FAM136A: variants seen among roughly 807,000 people sequenced by gnomAD.
FAM136A encodes the protein TIM double twin CX3C motif protein.
In FAM136A, 25 loss-of-function variants were observed where a neutral mutation model predicts 21.6. The observed-to-expected ratio is 1.16, with a 90% CI of 0.84 to 1.62. The LOEUF (loss-of-function observed/expected upper bound fraction) is 1.62. Ranked by LOEUF, FAM136A falls within the 40% of genes most tolerant of loss-of-function variation. The pLI is 0.00. For missense variants in FAM136A, 338 were observed against 332.0 expected (o/e 1.02, Z -0.14); for synonymous variants, 119 against 129.4 (o/e 0.92, Z 0.55).
chr2:70,300,249 A>G (rs1187475928), intron 2 of FAM136A, among the ~76,000 whole-genome samples: 1 of 152,188 alleles, frequency 6.6e-6, no homozygotes, highest in African/African-American at 2.4e-5. Flanking sequence ...GGTTATGTCA[A>G]AAGGAACAAA....
Position 70,301,640 on chromosome 2 carries a change from G to T in FAM136A, c.372C>A (p.Ala124=), listed in dbSNP as rs1010083894. The T allele has an allele frequency of 2.0e-6, 3 of 1,535,562 alleles. No homozygotes were observed. Among genetic ancestry groups the T allele is most frequent in the African/African-American group, 1.4e-5 (1 of 73,050 alleles). Reference sequence around the variant, plus strand: ...GCCGCGTAAGAGGGGAAGGTGGTGGGGCGAGCGCCTGCCACCAGGGGCTTC... The same window carrying T: ...GCCGCGTAAGAGGGGAAGGTGGTGGTGCGAGCGCCTGCCACCAGGGGCTTC... ...QVGSPWWQAL[A]PPPSPLTRPL... The change falls in exon 1 of 3, where the codon GCC becomes GCA. Residue 124 remains alanine (A), a synonymous_variant. Coordinates refer to ENST00000430566, the MANE Select transcript of FAM136A (RefSeq NM_001329752.2).
Position 70,302,035 on chromosome 2 carries a change from C to G in FAM136A, c.-24G>C, listed in dbSNP as rs755751581. 21 of 1,557,480 alleles carry G rather than the reference C, an allele frequency of 1.3e-5. 1 individual carries two copies. The Admixed American group carries it at 4.3e-4, about 32-fold the overall frequency. On this transcript the variant is annotated 5_prime_UTR_variant, in exon 1 of 3. Transcript: ENST00000430566. ...ATGGCGACCCCGCGCTGCCCCGCGG[C>G]GCTCCGCGCCGGCGCCCATATGGAA...
At chr2:70,299,279 G>A (rs1192207969) in intron 2 of FAM136A, among the ~76,000 whole-genome samples, 1 of 152,228 alleles carries the variant, frequency 6.6e-6, no homozygotes, top group Non-Finnish European at 1.5e-5. Context: ...ATACTTAGAA[G>A]ATGGGAGTAA....
At chr2:70,299,526 A>C (rs1248555412) in intron 2 of FAM136A, among the ~76,000 whole-genome samples, 1 of 152,240 alleles carries the variant, frequency 6.6e-6, no homozygotes, top group Non-Finnish European at 1.5e-5. Context: ...TACCTTTTCA[A>C]GGCTATCCTA....
chr2:70,298,482 G>A (rs971423013), intron 2 of FAM136A, among the ~76,000 whole-genome samples: 1 of 152,192 alleles, frequency 6.6e-6, no homozygotes, highest in Non-Finnish European at 1.5e-5. Flanking sequence ...TAATGTTAGG[G>A]AATATAGCAA....
At position 70,297,054 on chromosome 2, in the gene FAM136A, C is replaced by A. The variant is rs200270929; in HGVS notation, c.*235G>T. Reference sequence around the variant, plus strand: ...AGCACTGGCCACAGGAAATAATAAGCTCTAAAACTCTCCTGTAATATCTCT... The same window carrying A: ...AGCACTGGCCACAGGAAATAATAAGATCTAAAACTCTCCTGTAATATCTCT... On this transcript the variant is annotated 3_prime_UTR_variant, in exon 3 of 3. Coordinates refer to ENST00000430566, the MANE Select transcript of FAM136A (RefSeq NM_001329752.2). The A allele has an allele frequency of 3.6e-5, 15 of 419,400 alleles. No homozygotes were observed. The highest frequency in any genetic ancestry group is 3.5e-5 in the Non-Finnish European group (8 of 230,178). The allele number at this position is 419,400 out of a possible 1,614,324, so 26.0% of individuals were successfully genotyped here.
At position 70,301,723 on chromosome 2, in the gene FAM136A, C is replaced by T; in HGVS notation, c.289G>A (p.Ala97Thr). Residue 97 changes from alanine (A) to threonine (T), a missense_variant, in exon 1 of 3, where the codon GCG becomes ACG. Ala to Thr is a moderately conservative substitution (Grantham distance 58, BLOSUM62 0). Coordinates refer to ENST00000430566, the MANE Select transcript of FAM136A (RefSeq NM_001329752.2). ...CTGGAAGGGGCGGAAAACAGCCTCG[C>T]GCACGGCAAGGGCACACGGATTTCA... Reference protein sequence around the residue: ...SDEIRVPLPCARLFSAPSSPG... With the variant: ...SDEIRVPLPCTRLFSAPSSPG... The T allele has an allele frequency of 6.5e-7, 1 of 1,537,026 alleles. No individual in the cohort carries two copies. The highest frequency in any genetic ancestry group is 8.7e-7 in the Non-Finnish European group (1 of 1,146,458).
At position 70,301,751 on chromosome 2, in the gene FAM136A, C is replaced by T. The variant is rs1697411116; in HGVS notation, c.261G>A (p.Ser87=). ...ACGGCAAGGGCACACGGATTTCATC[C>T]GATCCGCCAAAGCTTCCGAAGTCCT... ...LGQDFGSFGG[S]DEIRVPLPCA... Residue 87 remains serine (S), a synonymous_variant, in exon 1 of 3, where the codon TCG becomes TCA. Transcript: ENST00000430566. 1 of 1,541,260 alleles carries T rather than the reference C, an allele frequency of 6.5e-7. No homozygotes were observed. The highest frequency in any genetic ancestry group is 8.7e-7 in the Non-Finnish European group (1 of 1,146,402).
At chr2:70,301,037 A>AC (rs1697383255) in intron 1 of FAM136A, 57 bp from the exon 2 acceptor site, 14 of 1,568,798 alleles carry the variant, frequency 8.9e-6, no homozygotes, top group Non-Finnish European at 1.2e-5. Context: ...AGAGATGACT[A>AC]TGGAGCACTA....
intron 2 of FAM136A, among the ~76,000 whole-genome samples, chr2:70,298,749 G>A (rs1480871471): frequency 6.6e-6 from 1 of 152,210 alleles, no homozygotes; most frequent in Non-Finnish European, 1.5e-5. Flanking sequence ...CTGATGCTCA[G>A]AGGCTGGAGT....
At position 70,297,450 on chromosome 2, in the gene FAM136A, A is replaced by C. The variant is rs1258166314; in HGVS notation, c.577T>G (p.Cys193Gly). The change falls in exon 3 of 3, where the codon TGC (cysteine) becomes GGC (glycine). Residue 193 changes from cysteine (C) to glycine (G), a missense_variant. By Grantham distance (159) the Cys-to-Gly change is radical. Coordinates refer to ENST00000430566, the MANE Select transcript of FAM136A (RefSeq NM_001329752.2). ...ATTGAATCTTTGGCTTTGTCGTTGCAATGCATGGTGCACCGGGCCAGGCGG... is the reference window on the plus strand; with the variant it reads ...ATTGAATCTTTGGCTTTGTCGTTGCCATGCATGGTGCACCGGGCCAGGCGG... ...QDRLARCTMH[C>G]NDKAKDSIDA... is the part of the protein sequence containing the mutation. 4 of 1,613,900 alleles carry C rather than the reference A, an allele frequency of 2.5e-6. No individual in the cohort carries two copies. The South Asian group carries it at 4.4e-5, about 18-fold the overall frequency.
At chr2:70,301,007 G>A (rs1697382531) in intron 1 of FAM136A, 27 bp from the exon 2 acceptor site, 3 of 1,595,478 alleles carry the variant, frequency 1.9e-6, no homozygotes, top group African/African-American at 1.3e-5. Flanking sequence ...GAGAGGTTAG[G>A]TAGGAAAGTC....
intron 2 of FAM136A, among the ~76,000 whole-genome samples, chr2:70,298,005 C>A (rs775040103): frequency 1.3e-5 from 2 of 151,652 alleles, no homozygotes; most frequent in Non-Finnish European, 1.5e-5. Context: ...TACTAGAAAG[C>A]AGGTGAATGA....
chr2:70,301,180 C>T (rs1305303733), intron 1 of FAM136A, 200 bp from the exon 2 acceptor site: 2 of 778,674 alleles, frequency 2.6e-6, no homozygotes, highest in Non-Finnish European at 2.0e-6. Flanking sequence ...TGTAGTGTTT[C>T]ATGGTGTCCT....
At chr2:70,300,116 G>A (rs947667405) in intron 2 of FAM136A, among the ~76,000 whole-genome samples, 3 of 151,898 alleles carry the variant, frequency 2.0e-5, no homozygotes, top group Admixed American at 1.3e-4. Flanking sequence ...TGGCCAGGAC[G>A]GTCTCAAACT....
intron 2 of FAM136A, among the ~76,000 whole-genome samples, chr2:70,298,552 A>G (rs989794536): frequency 6.6e-6 from 1 of 152,240 alleles, no homozygotes; most frequent in Admixed American, 6.5e-5. Flanking sequence ...GAAAGAGACA[A>G]ACAAAGTAAA....
chr2:70,300,295 CT>C, intron 2 of FAM136A, among the ~76,000 whole-genome samples: 1 of 152,242 alleles, frequency 6.6e-6, no homozygotes, highest in East Asian at 1.9e-4. Context: ...CATAAGGGCT[CT>C]TGGTCATGAA....
rs775830453 is a variant in FAM136A at position 70,301,785 on chromosome 2, C to A, written c.227G>T (p.Gly76Val). Reference protein sequence around the residue: ...GCGRPWGRRGGLGQDFGSFGG... With the variant: ...GCGRPWGRRGVLGQDFGSFGG... ...AAAGCTTCCGAAGTCCTGTCCGAGGCCGCCCCGGCGACCCCAGGGCCGCCC... is the reference window on the plus strand; with the variant it reads ...AAAGCTTCCGAAGTCCTGTCCGAGGACGCCCCGGCGACCCCAGGGCCGCCC... The change falls in exon 1 of 3, where the codon GGC becomes GTC. Residue 76 changes from glycine (G) to valine (V), a missense_variant. Transcript: ENST00000430566. The A allele has an allele frequency of 3.8e-5, 58 of 1,546,424 alleles. 1 individual carries two copies. In the South Asian group the frequency reaches 6.3e-4, roughly 17 times the overall value.
At chr2:70,301,001 G>C in intron 1 of FAM136A, 21 bp from the exon 2 acceptor site, 5 of 1,599,170 alleles carry the variant, frequency 3.1e-6, no homozygotes, top group Non-Finnish European at 4.3e-6. Context: ...AGGGCAGAGA[G>C]GTTAGGTAGG....
Sources: gnomAD v4.1 joint callset for allele counts (sites outside exome capture counted in the v4.1 genomes callset) on GRCh38, gnomAD v4.1.1 for gene constraint, MANE v1.5 for transcripts, NCBI Gene and HGNC (gene_info 2026-07-23, HGNC 2026-07-21) for gene names.